The following RGS22 variants were observed in gnomAD, a reference collection of about 807,000 sequenced individuals.
The protein encoded by RGS22 is regulator of G-protein signaling 22.
Under a neutral mutation model 172.9 loss-of-function variants are expected in RGS22, and 148 were observed. The ratio of observed to expected loss-of-function variants is 0.86; its 90% confidence interval spans 0.75 to 0.98. RGS22 has a LOEUF of 0.98. Among genes scored for constraint, RGS22 ranks in the 50% least tolerant of loss-of-function variants. RGS22 has a pLI of 0.00. For synonymous variants in RGS22, 458 were observed against 480.2 expected (o/e 0.95, Z 0.60); for missense variants, 1,347 against 1,440.8 (o/e 0.93, Z 1.05).
At position 100,070,584 on chromosome 8, in the gene RGS22, T is replaced by C. The variant is rs562824508; in HGVS notation, c.594+785A>G. Among the ~76,000 whole-genome samples the C allele has an allele frequency of 2.0e-5, 3 of 152,358 alleles. No individual in the cohort carries two copies. The East Asian group carries it at 5.8e-4, about 29-fold the overall frequency. On this transcript the variant is annotated intron_variant, in intron 6 of 27. Transcript: ENST00000360863. ...CCTGGGTTTTGGGTATATGTCATTA[T>C]AGCTATGTTATTTCTTGTTGAAATT...
At chr8:100,067,470 A>T (rs1054551831) in intron 6 of RGS22, among the ~76,000 whole-genome samples, 5 of 152,134 alleles carry the variant, frequency 3.3e-5, no homozygotes, top group African/African-American at 1.2e-4. Context: ...AGGCCAAAAT[A>T]ATTAAGAAAC....
intron 10 of RGS22, among the ~76,000 whole-genome samples, chr8:100,051,927 TTA>T (rs1357527311): frequency 0.011 from 490 of 45,026 alleles, 1 homozygote; most frequent in African/African-American, 0.02. Flanking sequence ...ATATAAATGT[TTA>T]TATATATTTA....
At chr8:100,048,024 C>T (rs1317301931) in intron 10 of RGS22, among the ~76,000 whole-genome samples, 2 of 151,882 alleles carry the variant, frequency 1.3e-5, no homozygotes, top group Non-Finnish European at 2.9e-5. Flanking sequence ...TACCCTTGGT[C>T]CACATAAGAA....
At chr8:100,082,445 A>G (rs1228180131) in intron 3 of RGS22, among the ~76,000 whole-genome samples, 1 of 152,122 alleles carries the variant, frequency 6.6e-6, no homozygotes, top group Non-Finnish European at 1.5e-5. Context: ...TGTGTGCTCA[A>G]TGTTTAGCTC....
intron 9 of RGS22, among the ~76,000 whole-genome samples, chr8:100,059,094 GAT>G (rs1212001585): frequency 6.6e-6 from 1 of 152,068 alleles, no homozygotes. Context: ...TGGATTATAA[GAT>G]AGTATTTGCC....
chr8:100,082,625 G>T (rs575412296), intron 3 of RGS22, among the ~76,000 whole-genome samples: 4 of 152,138 alleles, frequency 2.6e-5, no homozygotes, highest in South Asian at 2.1e-4. Context: ...GTGGTCCATG[G>T]ACTCAGAGCT....
intron 15 of RGS22, among the ~76,000 whole-genome samples, chr8:100,007,074 T>A (rs1474936907): frequency 6.6e-6 from 1 of 152,210 alleles, no homozygotes; most frequent in East Asian, 1.9e-4. Context: ...GATACTAGGC[T>A]AATTTTTCAG....
rs757352832 is a variant in RGS22, at chr8:99,962,390, G to A, written c.*45+4C>T. The A allele has an allele frequency of 1.0e-5, 16 of 1,601,672 alleles. No individual in the cohort carries two copies. Among genetic ancestry groups the A allele is most frequent in the East Asian group, 4.5e-5 (2 of 44,824 alleles). Reference sequence around the variant, plus strand: ...GACCAACCAACATTCAGACTATGACGTACCTTGAACCTATCAGCAGCAGGA... The same window carrying A: ...GACCAACCAACATTCAGACTATGACATACCTTGAACCTATCAGCAGCAGGA... On this transcript the variant is annotated splice_donor_region_variant and intron_variant, in intron 27 of 27. Coordinates refer to ENST00000360863, the MANE Select transcript of RGS22 (RefSeq NM_015668.5).
chr8:100,074,935 T>C (rs1433220380), intron 4 of RGS22, among the ~76,000 whole-genome samples: 1 of 151,108 alleles, frequency 6.6e-6, no homozygotes, highest in African/African-American at 2.4e-5. Flanking sequence ...GCCCGGCTAA[T>C]TTTTTTTTGT....
intron 14 of RGS22, among the ~76,000 whole-genome samples, chr8:100,011,691 A>G (rs1816404158): frequency 6.6e-6 from 1 of 152,210 alleles, no homozygotes; most frequent in Non-Finnish European, 1.5e-5. Context: ...TCCAGCCTCG[A>G]GTTTTTAATG....
chr8:100,105,750 C>A, intron 1 of RGS22, 147 bp downstream of exon 1: 1 of 661,458 alleles, frequency 1.5e-6, no homozygotes, highest in Non-Finnish European at 2.5e-6. Context: ...GTCATAAAAT[C>A]CAACAGGAGG....
At chr8:100,035,276 C>T (rs1451093702) in intron 14 of RGS22, among the ~76,000 whole-genome samples, 1 of 152,132 alleles carries the variant, frequency 6.6e-6, no homozygotes, top group African/African-American at 2.4e-5. Flanking sequence ...AAACAAACAA[C>T]CCCATCAAAA....
At chr8:100,059,954 C>T (rs1312016677) in intron 9 of RGS22, among the ~76,000 whole-genome samples, 2 of 152,060 alleles carry the variant, frequency 1.3e-5, no homozygotes, top group Admixed American at 6.6e-5. Flanking sequence ...TCAAATTCCT[C>T]GCCTCAAGCG....
chr8:100,039,665 C>T (rs112614220), intron 13 of RGS22, among the ~76,000 whole-genome samples: 100 of 152,154 alleles, frequency 6.6e-4, no homozygotes, highest in African/African-American at 2.2e-3. Flanking sequence ...CATGAGCCAC[C>T]GCGCCTGGCC....
chr8:100,091,472 T>G (rs1159181880), intron 3 of RGS22, among the ~76,000 whole-genome samples: 1 of 152,104 alleles, frequency 6.6e-6, no homozygotes, highest in East Asian at 1.9e-4. Context: ...TCCTGTCACC[T>G]AAAGTCTGAA....
intron 23 of RGS22, among the ~76,000 whole-genome samples, chr8:99,966,187 A>C (rs1810710779): frequency 6.6e-6 from 1 of 152,220 alleles, no homozygotes. Flanking sequence ...AAAGTCAAAA[A>C]CCACATGTTC....
chr8:100,001,221 C>CATAT (rs1397528231), intron 18 of RGS22, among the ~76,000 whole-genome samples: 8 of 84,628 alleles, frequency 9.5e-5, no homozygotes, highest in South Asian at 3.3e-4. Flanking sequence ...TATATATATA[C>CATAT]ATATATATAT....
chr8:100,087,878 T>C (rs753592608), intron 3 of RGS22, among the ~76,000 whole-genome samples: 11 of 152,274 alleles, frequency 7.2e-5, no homozygotes, highest in Middle Eastern at 3.4e-3. Flanking sequence ...ATAAAATGTA[T>C]AGAAAATATC....
chr8:100,094,617 G>T (rs1395751314), intron 2 of RGS22, among the ~76,000 whole-genome samples: 1 of 152,096 alleles, frequency 6.6e-6, no homozygotes, highest in Non-Finnish European at 1.5e-5. Flanking sequence ...ACAAACTAAG[G>T]ATTTAATAAA....
Sources: gnomAD v4.1 joint callset for allele counts (sites outside exome capture counted in the v4.1 genomes callset) on GRCh38, gnomAD v4.1.1 for gene constraint, MANE v1.5 for transcripts, NCBI Gene and HGNC (gene_info 2026-07-23, HGNC 2026-07-21) for gene names.